ZNF804B: variants seen among roughly 807,000 people sequenced by gnomAD.
ZNF804B encodes zinc finger protein 804B.
A neutral mutation model predicts 101.4 loss-of-function variants in ZNF804B; 80 were observed. That is an observed-to-expected ratio of 0.79 (90% CI 0.66 to 0.95). The LOEUF (loss-of-function observed/expected upper bound fraction) is 0.95, where lower values mean the gene tolerates loss of function less well. Among genes scored for constraint, ZNF804B ranks in the 40% least tolerant of loss-of-function variants. ZNF804B has a pLI of 0.00. For missense variants in ZNF804B, 1,673 were observed against 1,561.9 expected (o/e 1.07, Z -1.20); for synonymous variants, 622 against 558.8 (o/e 1.11, Z -1.59).
At chr7:89,261,791 A>C (rs1459633776) in intron 2 of ZNF804B, among the ~76,000 whole-genome samples, 1 of 152,184 alleles carries the variant, frequency 6.6e-6, no homozygotes, top group Non-Finnish European at 1.5e-5. Flanking sequence ...AAACATAGAG[A>C]AGGTATAGTA....
Position 88,795,034 on chromosome 7 carries a change from G to T in ZNF804B, c.108+34950G>T. On this transcript the variant is annotated intron_variant, in intron 1 of 3. Coordinates refer to ENST00000333190, the MANE Select transcript of ZNF804B (RefSeq NM_181646.5). ...GGTACCTCTTTACTGATGAACTCGT[G>T]TTTTTATTTCTTCTGACAAAAAAAA... is the stretch of plus-strand genomic sequence containing the variant. 18 of 1,039,482 alleles carry T rather than the reference G, an allele frequency of 1.7e-5. No homozygotes were observed. The South Asian group carries it at 1.8e-4, about 11-fold the overall frequency. The allele number at this position is 1,039,482 out of a possible 1,614,324, so 64.4% of individuals were successfully genotyped here.
At chr7:88,928,459 T>C (rs1792837696) in intron 1 of ZNF804B, among the ~76,000 whole-genome samples, 1 of 152,162 alleles carries the variant, frequency 6.6e-6, no homozygotes, top group Non-Finnish European at 1.5e-5. Context: ...CTAAAAATAT[T>C]TGGGAAGTGT....
chr7:89,327,445 G>A lies in ZNF804B; in HGVS notation c.351G>A (p.Gln117=), dbSNP rs2115983129. ...KQEKALKRLH[Q]LAELRQQSEC... is the part of the protein sequence containing the mutation. ...AAAAAGCACTTAAACGACTTCATCA[G>A]CTGGCTGAGTTAAGGCAGCAATCTG... Residue 117 remains glutamine (Q), a synonymous_variant, in exon 3 of 4, where the codon CAG becomes CAA. Transcript: ENST00000333190. 6.2e-7 allele frequency: 1 copy of A among 1,611,290 alleles called. No homozygotes were observed.
At chr7:88,781,434 A>G (rs532558091) in intron 1 of ZNF804B, among the ~76,000 whole-genome samples, 4 of 152,242 alleles carry the variant, frequency 2.6e-5, no homozygotes, top group East Asian at 1.9e-4. Context: ...GAGACATTAT[A>G]TATCAGCAGC....
At chr7:88,926,399 C>A (rs1386503483) in intron 1 of ZNF804B, among the ~76,000 whole-genome samples, 3 of 139,188 alleles carry the variant, frequency 2.2e-5, no homozygotes, top group South Asian at 2.3e-4. Flanking sequence ...GCAGCCTGGT[C>A]AACATGGCGA....
chr7:88,868,730 G>C (rs976556256), intron 1 of ZNF804B, among the ~76,000 whole-genome samples: 3 of 152,096 alleles, frequency 2.0e-5, no homozygotes, highest in African/African-American at 7.2e-5. Flanking sequence ...AAACATATTG[G>C]GTCAAATTTA....
chr7:89,285,078 G>A (rs1271759113), intron 2 of ZNF804B, among the ~76,000 whole-genome samples: 7 of 151,812 alleles, frequency 4.6e-5, no homozygotes, highest in Admixed American at 4.6e-4. Flanking sequence ...AAATAGCCAG[G>A]CATGGTGGTG....
At chr7:89,318,698 G>C (rs372246867) in intron 2 of ZNF804B, among the ~76,000 whole-genome samples, 1 of 152,290 alleles carries the variant, frequency 6.6e-6, no homozygotes, top group African/African-American at 2.4e-5. Context: ...GGAGGCAGAG[G>C]TTGCAGTGAC....
chr7:88,960,819 AC>A (rs1793377122), intron 1 of ZNF804B, among the ~76,000 whole-genome samples: 1 of 151,398 alleles, frequency 6.6e-6, no homozygotes, highest in South Asian at 2.1e-4. Flanking sequence ...TCTCCATCAG[AC>A]ATGGTGTAGC....
At chr7:89,168,588 C>G (rs1449049926) in intron 1 of ZNF804B, among the ~76,000 whole-genome samples, 1 of 151,836 alleles carries the variant, frequency 6.6e-6, no homozygotes, top group Non-Finnish European at 1.5e-5. Context: ...AAAAAGTAAC[C>G]CCTTAAAGCT....
intron 1 of ZNF804B, among the ~76,000 whole-genome samples, chr7:89,128,955 G>A (rs1471806362): frequency 1.3e-5 from 2 of 151,952 alleles, no homozygotes; most frequent in African/African-American, 2.4e-5. Context: ...GAGTGTTTCT[G>A]AGAGTGTGGT....
At chr7:88,966,218 A>G (rs1276643116) in intron 1 of ZNF804B, among the ~76,000 whole-genome samples, 1 of 151,548 alleles carries the variant, frequency 6.6e-6, no homozygotes, top group African/African-American at 2.4e-5. Flanking sequence ...ACTTTCCTAA[A>G]CAATATAGTG....
intron 2 of ZNF804B, among the ~76,000 whole-genome samples, chr7:89,325,775 C>G (rs1790887247): frequency 2.0e-5 from 3 of 151,714 alleles, no homozygotes; most frequent in Non-Finnish European, 4.4e-5. Flanking sequence ...TATTTATATT[C>G]AGTACTAACA....
intron 1 of ZNF804B, among the ~76,000 whole-genome samples, chr7:89,155,712 G>T (rs943967101): frequency 1.3e-5 from 2 of 152,148 alleles, no homozygotes; most frequent in African/African-American, 4.8e-5. Flanking sequence ...CCAGTTTTCG[G>T]AAGATAACAA....
intron 2 of ZNF804B, among the ~76,000 whole-genome samples, chr7:89,235,958 A>G (rs1789272467): frequency 6.6e-6 from 1 of 152,112 alleles, no homozygotes; most frequent in African/African-American, 2.4e-5. Flanking sequence ...TATCAAAACC[A>G]CATTCTTTAT....
At chr7:88,986,513 A>G (rs1041743752) in intron 1 of ZNF804B, among the ~76,000 whole-genome samples, 43 of 152,078 alleles carry the variant, frequency 2.8e-4, no homozygotes, top group Non-Finnish European at 4.4e-4. Flanking sequence ...TATCTAACAC[A>G]CTGGGATCTG....
At chr7:89,230,316 AG>A (rs1789170710) in intron 2 of ZNF804B, among the ~76,000 whole-genome samples, 1 of 150,968 alleles carries the variant, frequency 6.6e-6, no homozygotes, top group African/African-American at 2.4e-5. Flanking sequence ...GGGGAGAGAG[AG>A]AGAGAGAGAA....
chr7:88,873,945 C>T (rs928125625), intron 1 of ZNF804B, among the ~76,000 whole-genome samples: 3 of 152,190 alleles, frequency 2.0e-5, no homozygotes, highest in Admixed American at 2.0e-4. Flanking sequence ...ATTGACTTGG[C>T]AATGCGGGCT....
At chr7:88,865,302 C>T (rs1791710690) in intron 1 of ZNF804B, among the ~76,000 whole-genome samples, 1 of 150,980 alleles carries the variant, frequency 6.6e-6, no homozygotes, top group Non-Finnish European at 1.5e-5. Flanking sequence ...GAGGCTGAGG[C>T]AGGAGGATCA....
Sources: gnomAD v4.1 joint callset for allele counts (sites outside exome capture counted in the v4.1 genomes callset) on GRCh38, gnomAD v4.1.1 for gene constraint, MANE v1.5 for transcripts, NCBI Gene and HGNC (gene_info 2026-07-23, HGNC 2026-07-21) for gene names.